COL14A1: variants seen among roughly 807,000 people sequenced by gnomAD.
COL14A1 encodes the protein collagen alpha-1(XIV) chain.
In COL14A1, 136 loss-of-function variants were observed where a neutral mutation model predicts 230.3. The ratio of observed to expected loss-of-function variants is 0.59; its 90% confidence interval spans 0.51 to 0.68. The LOEUF (loss-of-function observed/expected upper bound fraction) is 0.68, where lower values mean the gene tolerates loss of function less well. Ranked by LOEUF, COL14A1 falls within the 30% of genes least tolerant of loss-of-function variation. The probability of loss-of-function intolerance (pLI) is 0.00; values close to 1 mark genes in which losing one functional copy is unlikely to be tolerated. For synonymous variants in COL14A1, 792 were observed against 784.1 expected, an observed-to-expected ratio of 1.01 and a Z score of -0.17; for missense variants, 1,976 against 2,215.8, an observed-to-expected ratio of 0.89 and a Z score of 2.17.
Position 120,131,290 on chromosome 8 carries a change from A to G in COL14A1, c.-38+5950A>G, listed in dbSNP as rs369373548. Among the ~76,000 whole-genome samples, 3 of 152,256 alleles carry G rather than the reference A, an allele frequency of 2.0e-5. No individual in the cohort carries two copies. The East Asian group carries it at 5.8e-4, about 29-fold the overall frequency. ...TTTTTAAGTTCTTTGTGAAATCTCCAAACTGCTTTCCACAGTGGCTGAACC... is the reference window on the plus strand; with the variant it reads ...TTTTTAAGTTCTTTGTGAAATCTCCGAACTGCTTTCCACAGTGGCTGAACC... On this transcript the variant is annotated intron_variant, in intron 1 of 47. Coordinates refer to ENST00000297848, the MANE Select transcript of COL14A1 (RefSeq NM_021110.4).
At chr8:120,140,118 G>C (rs1198241241) in intron 1 of COL14A1, among the ~76,000 whole-genome samples, 1 of 152,186 alleles carries the variant, frequency 6.6e-6, no homozygotes, top group Non-Finnish European at 1.5e-5. Flanking sequence ...ATAAAGAGCA[G>C]AGAGTGGTTA....
chr8:120,148,794 G>A (rs1356341732), intron 2 of COL14A1, among the ~76,000 whole-genome samples: 1 of 152,126 alleles, frequency 6.6e-6, no homozygotes, highest in Non-Finnish European at 1.5e-5. Context: ...AACTTAATTT[G>A]TGAAATCTGC....
chr8:120,340,826 G>A (rs1464497356), intron 42 of COL14A1, among the ~76,000 whole-genome samples: 1 of 152,200 alleles, frequency 6.6e-6, no homozygotes, highest in South Asian at 2.1e-4. Flanking sequence ...AGAAATCAGA[G>A]TGAAGCTCTG....
intron 42 of COL14A1, among the ~76,000 whole-genome samples, chr8:120,340,023 G>C (rs1020761469): frequency 2.8e-5 from 4 of 145,008 alleles, no homozygotes; most frequent in African/African-American, 1.0e-4. Context: ...GGGAGATAGA[G>C]GGAGACTGCG....
At chr8:120,226,581 C>T (rs780918922) in intron 15 of COL14A1, 46 bp from the exon 16 acceptor site, 1 of 1,606,944 alleles carries the variant, frequency 6.2e-7, no homozygotes, top group Admixed American at 1.7e-5. Flanking sequence ...TTTTGGCTTT[C>T]TTGCCTTCTC....
At chr8:120,291,696 C>A (rs1820382932) in intron 34 of COL14A1, among the ~76,000 whole-genome samples, 1 of 151,594 alleles carries the variant, frequency 6.6e-6, no homozygotes. Context: ...TATAAAATTC[C>A]TGAAAGTTAG....
chr8:120,307,397 G>A (rs1820887706), intron 36 of COL14A1, among the ~76,000 whole-genome samples: 1 of 152,120 alleles, frequency 6.6e-6, no homozygotes, highest in African/African-American at 2.4e-5. Context: ...GGGACATTTG[G>A]TCTTCCATGT....
At chr8:120,302,774 A>G (rs577680764) in intron 36 of COL14A1, among the ~76,000 whole-genome samples, 1 of 152,298 alleles carries the variant, frequency 6.6e-6, no homozygotes, top group South Asian at 2.1e-4. Flanking sequence ...TAGTTCTGTA[A>G]AGAATGTTAT....
intron 19 of COL14A1, among the ~76,000 whole-genome samples, chr8:120,240,230 G>A (rs1197920712): frequency 1.3e-4 from 19 of 151,330 alleles, no homozygotes; most frequent in Admixed American, 1.3e-3. Context: ...AGAACCTACT[G>A]TAGAATTCTT....
rs755774218 is a variant in COL14A1, at chr8:120,270,070, G to C, written c.3109G>C (p.Val1037Leu). 1 of 1,611,502 alleles carries C rather than the reference G, an allele frequency of 6.2e-7. No individual in the cohort carries two copies. Among genetic ancestry groups the C allele is most frequent in the South Asian group, 1.1e-5 (1 of 90,964 alleles). The change falls in exon 26 of 48, where the codon GTG becomes CTG. Residue 1037 changes from valine (V) to leucine (L), a missense_variant. Val to Leu is a conservative substitution (Grantham distance 32). Transcript: ENST00000297848. ...KAAKADLVFMVDGSWSIGDEN... is the reference protein window; with the variant it reads ...KAAKADLVFMLDGSWSIGDEN... Reference sequence around the variant, plus strand: ...GGCCAAGGCTGACCTGGTATTTATGGTGGATGGATCCTGGAGCATTGGAGA... The same window carrying C: ...GGCCAAGGCTGACCTGGTATTTATGCTGGATGGATCCTGGAGCATTGGAGA...
At chr8:120,191,467 A>C (rs1181939486) in intron 5 of COL14A1, among the ~76,000 whole-genome samples, 1 of 150,448 alleles carries the variant, frequency 6.6e-6, no homozygotes, top group Non-Finnish European at 1.5e-5. Context: ...ACTTCCAACT[A>C]TGTGGTCAAT....
chr8:120,328,738 G>T (rs991424524), intron 40 of COL14A1, among the ~76,000 whole-genome samples: 1 of 152,208 alleles, frequency 6.6e-6, no homozygotes, highest in African/African-American at 2.4e-5. Context: ...CTTCTCACAT[G>T]ATTGGGAGAG....
intron 18 of COL14A1, among the ~76,000 whole-genome samples, chr8:120,229,375 C>T (rs981997585): frequency 7.9e-4 from 118 of 149,386 alleles, no homozygotes; most frequent in Admixed American, 2.1e-3. Flanking sequence ...GGTTTTTTGT[C>T]CTTGCGATAG....
chr8:120,280,660 GT>G (rs768884907), intron 29 of COL14A1, 50 bp from the exon 30 acceptor site: 2 of 1,562,218 alleles, frequency 1.3e-6, no homozygotes, highest in Admixed American at 3.4e-5. Flanking sequence ...GAAAGAGTAT[GT>G]TTGTGAAATA....
intron 46 of COL14A1, among the ~76,000 whole-genome samples, 170 bp downstream of exon 46, chr8:120,367,418 A>G (rs1823441580): frequency 6.6e-6 from 1 of 152,200 alleles, no homozygotes; most frequent in South Asian, 2.1e-4. Flanking sequence ...CCCAATATAC[A>G]AGACCAAAAA....
At chr8:120,167,548 T>A (rs189489780) in intron 4 of COL14A1, among the ~76,000 whole-genome samples, 1 of 152,248 alleles carries the variant, frequency 6.6e-6, no homozygotes, top group South Asian at 2.1e-4. Context: ...TAGGTTGATA[T>A]GAATTTATTA....
rs920224056 is a variant in COL14A1, at chr8:120,332,840, A to G, written c.4785+105A>G. 6 of 825,390 alleles carry G rather than the reference A, an allele frequency of 7.3e-6. No individual in the cohort carries two copies. In the African/African-American group the frequency reaches 1.0e-4, roughly 14 times the overall value. 51.1% of individuals were successfully genotyped at this position (825,390 alleles called of 1,614,324 possible). A position where few individuals can be genotyped will look rare whatever the true frequency, so the allele number is the denominator to read the frequency against. On this transcript the variant is annotated intron_variant, in intron 42 of 47. Transcript: ENST00000297848. ...TGTTAGTCAGAAATGTTTATTCAGC[A>G]CTGGACTCTATGGAAATTCATAAAG...
chr8:120,223,177 T>C (rs1051831826), intron 14 of COL14A1, among the ~76,000 whole-genome samples: 9 of 152,200 alleles, frequency 5.9e-5, no homozygotes, highest in African/African-American at 2.2e-4. Flanking sequence ...CCCCAGATTA[T>C]GAAGGCCAAG....
chr8:120,270,634 A>G (rs981014978), intron 26 of COL14A1, among the ~76,000 whole-genome samples: 4 of 151,718 alleles, frequency 2.6e-5, no homozygotes, highest in African/African-American at 7.2e-5. Flanking sequence ...ATGTCAATCA[A>G]TGTCTCTAAT....
Sources: gnomAD v4.1 joint callset for allele counts (sites outside exome capture counted in the v4.1 genomes callset) on GRCh38, gnomAD v4.1.1 for gene constraint, MANE v1.5 for transcripts, NCBI Gene and HGNC (gene_info 2026-07-23, HGNC 2026-07-21) for gene names.